ITSN2: variants seen among roughly 807,000 people sequenced by gnomAD.
ITSN2 encodes intersectin-2.
Under a neutral mutation model 243.7 loss-of-function variants are expected in ITSN2, and 156 were observed. That is an observed-to-expected ratio of 0.64 (90% confidence interval 0.56 to 0.73). The LOEUF is 0.73. Among genes scored for constraint, ITSN2 ranks in the 30% least tolerant of loss-of-function variants. The pLI is 0.00. For synonymous variants in ITSN2, 703 were observed against 699.9 expected, an observed-to-expected ratio of 1.00 and a Z score of -0.07; for missense variants, 1,801 against 1,996.1, an observed-to-expected ratio of 0.90 and a Z score of 1.86.
intron 20 of ITSN2, among the ~76,000 whole-genome samples, chr2:24,264,358 A>G (rs1676317991): frequency 6.6e-6 from 1 of 151,920 alleles, no homozygotes; most frequent in Non-Finnish European, 1.5e-5. Flanking sequence ...ATTGCACTCC[A>G]GCCTGGGCAA....
chr2:24,214,290 T>C (rs1478321623), intron 32 of ITSN2: 1 of 152,216 alleles, frequency 6.6e-6, no homozygotes, highest in Non-Finnish European at 1.5e-5. Context: ...ACTTTTGCTT[T>C]ATAGAATGAA....
chr2:24,231,860 C>G (rs912338083), intron 29 of ITSN2, among the ~76,000 whole-genome samples: 1 of 152,160 alleles, frequency 6.6e-6, no homozygotes, highest in South Asian at 2.1e-4. Flanking sequence ...CCCACTTATG[C>G]GGCCAGAGTA....
chr2:24,211,515 G>C lies in ITSN2; in HGVS notation c.4090-568C>G. Among the ~76,000 whole-genome samples the C allele has an allele frequency of 6.6e-6, 1 of 152,218 alleles. No individual in the cohort carries two copies. The highest frequency in any genetic ancestry group is 1.9e-4 in the East Asian group (1 of 5,198). On this transcript the variant is annotated intron_variant, in intron 33 of 39. Transcript: ENST00000355123. This position sits in a 1 kb window ranked among gnomAD's most constrained non-coding sequence, Gnocchi z 4.1. ...CATGCTGCAACTGTGAACGCGCAGA[G>C]GCCAGAATACAAACGTGTGTGGTCC...
intron 17 of ITSN2, among the ~76,000 whole-genome samples, chr2:24,282,435 A>G (rs1365818617): frequency 6.6e-6 from 1 of 152,190 alleles, no homozygotes; most frequent in Admixed American, 6.5e-5. Context: ...CCTTGCATTC[A>G]TTCTCCAAGC....
intron 2 of ITSN2, among the ~76,000 whole-genome samples, chr2:24,324,959 G>A (rs1185786883): frequency 2.0e-5 from 3 of 150,880 alleles, no homozygotes; most frequent in Non-Finnish European, 1.5e-5. Flanking sequence ...CAACAATCAC[G>A]GTTACATATT....
intron 15 of ITSN2, among the ~76,000 whole-genome samples, chr2:24,287,596 T>C (rs539101051): frequency 1.3e-5 from 2 of 151,846 alleles, no homozygotes; most frequent in Non-Finnish European, 2.9e-5. Flanking sequence ...TTCTATCTTA[T>C]TTTTTTTAGA....
intron 2 of ITSN2, among the ~76,000 whole-genome samples, chr2:24,322,853 C>T (rs905765389): frequency 6.6e-6 from 1 of 151,878 alleles, no homozygotes; most frequent in Non-Finnish European, 1.5e-5. Context: ...ATATACAGAA[C>T]TATTCAACTC....
At chr2:24,302,813 G>T (rs1011403299) in intron 9 of ITSN2, among the ~76,000 whole-genome samples, 2 of 152,168 alleles carry the variant, frequency 1.3e-5, no homozygotes, top group Non-Finnish European at 2.9e-5. Flanking sequence ...GAAGGGATTA[G>T]ATGAAAGAAA....
intron 1 of ITSN2, among the ~76,000 whole-genome samples, chr2:24,342,043 C>T (rs536799188): frequency 2.6e-5 from 4 of 152,194 alleles, no homozygotes; most frequent in African/African-American, 9.6e-5. Flanking sequence ...TAGTAGACAG[C>T]TCTAGAACAC....
At chr2:24,286,744 A>G (rs1231778186) in intron 15 of ITSN2, among the ~76,000 whole-genome samples, 1 of 152,184 alleles carries the variant, frequency 6.6e-6, no homozygotes, top group East Asian at 1.9e-4. Flanking sequence ...AATAGAAACT[A>G]TAGTTAAAGT....
intron 15 of ITSN2, among the ~76,000 whole-genome samples, chr2:24,288,190 T>C (rs998505427): frequency 6.6e-6 from 1 of 152,138 alleles, no homozygotes; most frequent in Non-Finnish European, 1.5e-5. Flanking sequence ...TTTGAGCTGA[T>C]TTTTGAGTAT....
chr2:24,307,478 A>G (rs1245414873), intron 8 of ITSN2, among the ~76,000 whole-genome samples: 4 of 152,222 alleles, frequency 2.6e-5, no homozygotes, highest in Non-Finnish European at 4.4e-5. Flanking sequence ...GCTAAGAAGT[A>G]TAATAGGTCA....
chr2:24,221,682 A>G (rs1670463046), intron 29 of ITSN2, among the ~76,000 whole-genome samples: 1 of 152,232 alleles, frequency 6.6e-6, no homozygotes, highest in East Asian at 1.9e-4. Context: ...GATCCCAGCA[A>G]TTCCCAGAAG....
In ITSN2 at chr2:24,203,426, A is replaced by G. The variant is rs1668518839; in HGVS notation, c.*200T>C. On this transcript the variant is annotated 3_prime_UTR_variant, in exon 40 of 40. Transcript: ENST00000355123. The stretch of plus-strand genomic sequence containing the variant: ...GAACACTAGGACAAGGCACTGTACT[A>G]TGGGGTTTGGTTTCTTTATGGGAAA... 1.3e-5 allele frequency: 7 copies of G among 557,270 alleles called. No individual in the cohort carries two copies. In the South Asian group the frequency reaches 1.6e-4, roughly 13 times the overall value. The allele number at this position is 557,270 out of a possible 1,614,324, so 34.5% of individuals were successfully genotyped here.
At chr2:24,331,070 T>TC (rs1234970969) in intron 1 of ITSN2, among the ~76,000 whole-genome samples, 3 of 127,532 alleles carry the variant, frequency 2.4e-5, no homozygotes, top group African/African-American at 8.6e-5. Context: ...CCCGGCCACT[T>TC]TTTTTTTTTT....
chr2:24,312,530 C>G (rs1023117363), intron 4 of ITSN2, among the ~76,000 whole-genome samples, 155 bp from the exon 5 acceptor site: 24 of 151,950 alleles, frequency 1.6e-4, no homozygotes, highest in African/African-American at 5.6e-4. Context: ...TATATAATAA[C>G]AAAAAGATAA....
chr2:24,211,837 G>A lies in ITSN2; in HGVS notation c.4089+813C>T, dbSNP rs1669521876. Reference sequence around the variant, plus strand: ...TTATATGGTATTTGAGCTACATTCCGAATTCTGAAACACATCTGGCCCCAA... The same window carrying A: ...TTATATGGTATTTGAGCTACATTCCAAATTCTGAAACACATCTGGCCCCAA... On this transcript the variant is annotated intron_variant, in intron 33 of 39. Coordinates refer to ENST00000355123, the MANE Select transcript of ITSN2 (RefSeq NM_006277.3). The surrounding 1 kb of genome is among the most constrained non-coding windows in gnomAD (Gnocchi z 4.1). 6.6e-6 allele frequency among the ~76,000 whole-genome samples: 1 copy of A among 152,128 alleles called. No individual in the cohort carries two copies. The highest frequency in any genetic ancestry group is 2.4e-5 in the African/African-American group (1 of 41,422).
chr2:24,329,262 G>T (rs200765117), intron 1 of ITSN2, among the ~76,000 whole-genome samples: 138 of 688 alleles, frequency 0.2, no homozygotes, highest in Middle Eastern at 0.5. Context: ...TTTTTTTTTT[G>T]TTTGTTTTGT....
At chr2:24,340,307 C>A (rs772481775) in intron 1 of ITSN2, among the ~76,000 whole-genome samples, 5 of 151,858 alleles carry the variant, frequency 3.3e-5, no homozygotes, top group Non-Finnish European at 7.4e-5. Context: ...ATGGTATAAC[C>A]CCATCTCTAC....
Sources: allele counts gnomAD v4.1 joint callset (sites outside exome capture counted in the v4.1 genomes callset), GRCh38; gene constraint gnomAD v4.1.1; non-coding constraint Gnocchi (gnomAD v3.1); transcripts MANE v1.5; gene names NCBI Gene and HGNC (gene_info 2026-07-23, HGNC 2026-07-21).